Variants in MTMR10 observed in about 807,000 individuals in gnomAD.
MTMR10 encodes the protein myotubularin related protein 10.
A neutral mutation model predicts 88.1 loss-of-function variants in MTMR10; 56 were observed. The observed-to-expected ratio is 0.64, with a 90% confidence interval of 0.51 to 0.79. The LOEUF (loss-of-function observed/expected upper bound fraction) is 0.79, where lower values mean the gene tolerates loss of function less well. Among genes scored for constraint, MTMR10 ranks in the 30% least tolerant of loss-of-function variants. The pLI is 0.00. For missense variants in MTMR10, 883 were observed against 924.7 expected, an observed-to-expected ratio of 0.95 and a Z score of 0.58; for synonymous variants, 380 against 340.9, an observed-to-expected ratio of 1.11 and a Z score of -1.26.
At chr15:30,932,344 AT>A in the MTMR10 span, among the ~76,000 whole-genome samples, 1 of 151,694 alleles carries the variant, frequency 6.6e-6, no homozygotes, top group Non-Finnish European at 1.5e-5. Context: ...ATGGGAGTTG[AT>A]TTTGTAAAAT....
intron 14 of MTMR10, chr15:30,943,480 A>G: frequency 1.0e-6 from 1 of 985,450 alleles, no homozygotes; most frequent in Non-Finnish European, 1.2e-6. Context: ...TGGATTAACA[A>G]AATCTTTGGA....
Position 30,940,108 on chromosome 15 carries a change from T to C in MTMR10, c.*1362A>G. 1 of 985,228 alleles carries C rather than the reference T, an allele frequency of 1.0e-6. No individual in the cohort carries two copies. The highest frequency in any genetic ancestry group is 1.2e-6 in the Non-Finnish European group (1 of 829,722). 61.0% of individuals were successfully genotyped at this position (985,228 alleles called of 1,614,324 possible). On this transcript the variant is annotated 3_prime_UTR_variant, in exon 16 of 16. Coordinates refer to ENST00000435680, the MANE Select transcript of MTMR10 (RefSeq NM_017762.3). ...ACTAGACACTTTACTATAAAAATTT[T>C]CCATATCTTAGGATGGCAGTTTAAG... is the stretch of plus-strand genomic sequence containing the variant.
chr15:30,951,624 C>A (rs560200054), intron 12 of MTMR10, among the ~76,000 whole-genome samples: 1 of 152,062 alleles, frequency 6.6e-6, no homozygotes, highest in African/African-American at 2.4e-5. Flanking sequence ...CTCGGCCTCC[C>A]GAGTAGCTGA....
chr15:30,986,461 C>T (rs1325380737), intron 2 of MTMR10, among the ~76,000 whole-genome samples: 2 of 151,692 alleles, frequency 1.3e-5, no homozygotes, highest in African/African-American at 4.8e-5. Context: ...AGGTATAGTG[C>T]AAAACTAATT....
chr15:30,963,131 T>C (rs1312913976), intron 6 of MTMR10, among the ~76,000 whole-genome samples: 2 of 152,090 alleles, frequency 1.3e-5, no homozygotes, highest in African/African-American at 2.4e-5. Context: ...GAAAATTAAA[T>C]AAAATTAAAA....
At chr15:30,982,586 C>T (rs567177357) in intron 2 of MTMR10, among the ~76,000 whole-genome samples, 62 of 152,204 alleles carry the variant, frequency 4.1e-4, no homozygotes, top group Non-Finnish European at 8.4e-4. Context: ...GAAATGAGCC[C>T]TTGGAAGAGA....
chr15:30,929,433 A>G, the MTMR10 span: 1 of 1,538,286 alleles, frequency 6.5e-7, no homozygotes, highest in Non-Finnish European at 8.9e-7. Flanking sequence ...TTTGCTCAGA[A>G]AGTTAACACC....
At chr15:30,934,840 T>G (rs2062808328), downstream of MTMR10, among the ~76,000 whole-genome samples, 1 of 152,238 alleles carries the variant, frequency 6.6e-6, no homozygotes, top group South Asian at 2.1e-4. Flanking sequence ...ATAATATATA[T>G]CTTCCCTTCC....
In MTMR10 at chr15:30,939,847, A is replaced by G. The variant is rs2062978902; in HGVS notation, c.*1623T>C. On this transcript the variant is annotated 3_prime_UTR_variant, in exon 16 of 16. Coordinates refer to ENST00000435680, the MANE Select transcript of MTMR10 (RefSeq NM_017762.3). ...GGACTGTAAAATGTTTAATAATTCTATTTGTATAAACTGAAACTAGCCCTT... is the reference window on the plus strand; with the variant it reads ...GGACTGTAAAATGTTTAATAATTCTGTTTGTATAAACTGAAACTAGCCCTT... 2.0e-6 allele frequency: 2 copies of G among 985,118 alleles called. No individual in the cohort carries two copies. 61.0% of individuals were successfully genotyped at this position (985,118 alleles called of 1,614,324 possible).
chr15:30,929,229 C>G, the MTMR10 span: 14 of 1,612,736 alleles, frequency 8.7e-6, no homozygotes, highest in African/African-American at 1.2e-4. Context: ...TGTGCACAGA[C>G]AGCTTCTTCA....
intron 6 of MTMR10, among the ~76,000 whole-genome samples, chr15:30,967,603 C>T (rs1474374624): frequency 6.6e-6 from 1 of 152,154 alleles, no homozygotes; most frequent in Non-Finnish European, 1.5e-5. Flanking sequence ...GATAAGATTA[C>T]TTTAACTCAA....
intron 14 of MTMR10, among the ~76,000 whole-genome samples, chr15:30,945,613 A>AG (rs1219070606): frequency 6.6e-6 from 1 of 152,042 alleles, no homozygotes; most frequent in Non-Finnish European, 1.5e-5. Context: ...AAACAAGGCC[A>AG]GGGGGAAAGC....
At chr15:30,960,625 A>T (rs1046751159) in intron 7 of MTMR10, among the ~76,000 whole-genome samples, 15 of 152,212 alleles carry the variant, frequency 9.9e-5, no homozygotes, top group African/African-American at 3.4e-4. Flanking sequence ...CAACTGTAAA[A>T]CACCAGTTAC....
Position 30,943,444 on chromosome 15 carries a change from C to T in MTMR10, c.1549-372G>A, listed in dbSNP as rs2063117186. The T allele has an allele frequency of 5.1e-6, 5 of 985,224 alleles. No individual in the cohort carries two copies. The South Asian group carries it at 2.3e-4, about 46-fold the overall frequency. The allele number at this position is 985,224 out of a possible 1,614,324, so 61.0% of individuals were successfully genotyped here. On this transcript the variant is annotated intron_variant, in intron 14 of 15. Transcript: ENST00000435680. ...TACTTTTATGAGCACACGGTCAGTA[C>T]ATTTAAGTAGTTACCTGTTGGTAAG...
At chr15:30,943,431 C>CACACGACA (rs2063116853) in intron 14 of MTMR10, 1 of 985,034 alleles carries the variant, frequency 1.0e-6, no homozygotes, top group South Asian at 4.7e-5. Context: ...CTTTTATGAG[C>CACACGACA]ACACGGTCAG....
intron 7 of MTMR10, 127 bp downstream of exon 7, chr15:30,960,754 A>C: frequency 8.4e-7 from 1 of 1,190,426 alleles, no homozygotes; most frequent in Non-Finnish European, 1.1e-6. Flanking sequence ...AATATTTATT[A>C]AAACATTATT....
At chr15:30,981,162 C>T (rs931833047) in intron 2 of MTMR10, among the ~76,000 whole-genome samples, 26 of 152,362 alleles carry the variant, frequency 1.7e-4, no homozygotes, top group African/African-American at 6.0e-4. Context: ...ACAAAGCTAT[C>T]TTCCCAAAAG....
rs199859037 is a variant in MTMR10 at position 30,965,010 on chromosome 15, TGTGA to T, written c.565+2906_565+2909del. On this transcript the variant is annotated intron_variant, in intron 6 of 15. Coordinates refer to ENST00000435680, the MANE Select transcript of MTMR10 (RefSeq NM_017762.3). ...CAAAGGAATAAGGTAAAAAGAGGAC[TGTGA>T]GTATTAATCAGTTCAAAAGCATGAG... 4.2e-3 allele frequency among the ~76,000 whole-genome samples: 636 copies of T among 152,344 alleles called. 5 individuals carry two copies. The highest frequency in any genetic ancestry group is 0.014 in the African/African-American group (600 of 41,578).
At chr15:30,968,880 C>A (rs1327267919) in intron 5 of MTMR10, among the ~76,000 whole-genome samples, 2 of 152,122 alleles carry the variant, frequency 1.3e-5, no homozygotes, top group East Asian at 3.8e-4. Flanking sequence ...GGATGGTGCT[C>A]TAGGCTTACA....
Sources: gnomAD v4.1 joint callset for allele counts (sites outside exome capture counted in the v4.1 genomes callset) on GRCh38, gnomAD v4.1.1 for gene constraint, MANE v1.5 for transcripts, NCBI Gene and HGNC (gene_info 2026-07-23, HGNC 2026-07-21) for gene names.